Variants in SLC22A16 observed in about 807,000 individuals in gnomAD.
The protein encoded by SLC22A16 is solute carrier family 22 member 16.
Under a neutral mutation model 52.9 loss-of-function variants are expected in SLC22A16, and 53 were observed. The ratio of observed to expected loss-of-function variants is 1.00; its 90% CI spans 0.80 to 1.26. The LOEUF (loss-of-function observed/expected upper bound fraction) is 1.26. Among genes scored for constraint, SLC22A16 ranks in the 50% most tolerant of loss-of-function variants. The pLI is 0.00. For missense variants in SLC22A16, 726 were observed against 704.0 expected (o/e 1.03, Z -0.35); for synonymous variants, 291 against 268.8 (o/e 1.08, Z -0.81).
chr6:110,460,500 C>T (rs1030302282), intron 1 of SLC22A16, among the ~76,000 whole-genome samples: 1 of 151,884 alleles, frequency 6.6e-6, no homozygotes, highest in African/African-American at 2.4e-5. Context: ...TCCCTTCTCA[C>T]CTCACCCCTG....
intron 1 of SLC22A16, among the ~76,000 whole-genome samples, chr6:110,462,396 T>C (rs1259086081): frequency 2.0e-5 from 3 of 152,106 alleles, no homozygotes; most frequent in Non-Finnish European, 4.4e-5. Flanking sequence ...ATTCAAAATA[T>C]GGATTGTAAG....
intron 1 of SLC22A16, among the ~76,000 whole-genome samples, chr6:110,473,754 C>A (rs5029495): frequency 1.3e-5 from 2 of 148,454 alleles, no homozygotes; most frequent in East Asian, 4.1e-4. Flanking sequence ...CTCGAGCTCC[C>A]GACCTCGTGA....
intron 7 of SLC22A16, among the ~76,000 whole-genome samples, chr6:110,426,586 C>A (rs1774264112): frequency 6.6e-6 from 1 of 152,130 alleles, no homozygotes; most frequent in South Asian, 2.1e-4. Context: ...CTCCATCCAT[C>A]GTCCAACCTC....
At chr6:110,445,585 G>A (rs1053714939) in intron 3 of SLC22A16, among the ~76,000 whole-genome samples, 16 of 152,066 alleles carry the variant, frequency 1.1e-4, no homozygotes, top group Admixed American at 1.3e-4. Flanking sequence ...GAACATCAAC[G>A]GAAACAGTCA....
chr6:110,475,997 C>A (rs775941733), intron 1 of SLC22A16: 1 of 456,424 alleles, frequency 2.2e-6, no homozygotes, highest in Non-Finnish European at 4.4e-6. Flanking sequence ...GCGCCAGGTA[C>A]AGTGTACCTG....
At position 110,439,166 on chromosome 6, in the gene SLC22A16, C is replaced by T. The variant is rs78895546; in HGVS notation, c.1184-319G>A. The stretch of plus-strand genomic sequence containing the variant: ...AAAACTTGTTCAAAAATTTCACAGC[C>T]GAGAATTATTGAACAGAAGCACCCA... On this transcript the variant is annotated intron_variant, in intron 4 of 7. Transcript: ENST00000368919. 5.4e-3 allele frequency among the ~76,000 whole-genome samples: 829 copies of T among 152,188 alleles called. 2 individuals are homozygous for T. Among genetic ancestry groups the T allele is most frequent in the Middle Eastern group, 0.02 (6 of 294 alleles).
intron 1 of SLC22A16, among the ~76,000 whole-genome samples, chr6:110,464,833 T>A (rs1776006208): frequency 6.6e-6 from 1 of 151,270 alleles, no homozygotes; most frequent in African/African-American, 2.4e-5. Flanking sequence ...TAAGAACACA[T>A]CAAAAAAGAA....
chr6:110,472,835 G>A (rs1282902411), intron 1 of SLC22A16, among the ~76,000 whole-genome samples: 1 of 152,190 alleles, frequency 6.6e-6, no homozygotes, highest in Non-Finnish European at 1.5e-5. Context: ...CAGAGGCGAG[G>A]AAAAGCAAGG....
chr6:110,451,269 C>T (rs1361288786), intron 2 of SLC22A16, among the ~76,000 whole-genome samples: 1 of 152,124 alleles, frequency 6.6e-6, no homozygotes, highest in African/African-American at 2.4e-5. Context: ...GCTGTGAGGG[C>T]ACTTTTATGC....
At chr6:110,473,300 C>T (rs376895604) in intron 1 of SLC22A16, among the ~76,000 whole-genome samples, 4 of 152,106 alleles carry the variant, frequency 2.6e-5, no homozygotes, top group East Asian at 1.9e-4. Flanking sequence ...ACTTTTAAAC[C>T]GTCTCTCCTC....
chr6:110,448,995 C>A (rs1007335452), intron 2 of SLC22A16, among the ~76,000 whole-genome samples: 4 of 152,158 alleles, frequency 2.6e-5, no homozygotes, highest in African/African-American at 7.2e-5. Context: ...AAGACAAGAA[C>A]CTTCTCTTGA....
chr6:110,427,021 G>A (rs1444256429), intron 7 of SLC22A16, among the ~76,000 whole-genome samples: 1 of 151,866 alleles, frequency 6.6e-6, no homozygotes, highest in African/African-American at 2.4e-5. Context: ...GGAGGCTAAG[G>A]CTGGCGGATC....
chr6:110,453,980 C>T (rs552647184), intron 2 of SLC22A16, among the ~76,000 whole-genome samples: 10 of 152,238 alleles, frequency 6.6e-5, no homozygotes, highest in South Asian at 4.2e-4. Context: ...TCAATTCCTG[C>T]GAGAATTAAT....
chr6:110,449,387 G>T (rs1350164154), intron 2 of SLC22A16, among the ~76,000 whole-genome samples: 1 of 151,916 alleles, frequency 6.6e-6, no homozygotes, highest in Non-Finnish European at 1.5e-5. Flanking sequence ...CTAAGTATGG[G>T]CTATTAACTC....
At chr6:110,438,676 C>T (rs754582097) in intron 5 of SLC22A16, 44 bp downstream of exon 5, 1 of 1,576,920 alleles carries the variant, frequency 6.3e-7, no homozygotes, top group Non-Finnish European at 8.6e-7. Flanking sequence ...TCCCATCAAA[C>T]TGTCACAGTA....
intron 2 of SLC22A16, among the ~76,000 whole-genome samples, 175 bp from the exon 3 acceptor site, chr6:110,447,165 A>G (rs1318361466): frequency 1.3e-5 from 2 of 152,190 alleles, no homozygotes; most frequent in Non-Finnish European, 2.9e-5. Flanking sequence ...TCTTTAAAAG[A>G]CCAGCTGTTC....
At position 110,425,087 on chromosome 6, in the gene SLC22A16, T is replaced by C. The variant is rs774462581; in HGVS notation, c.1522-2A>G. The C allele has an allele frequency of 1.2e-6, 2 of 1,613,562 alleles. No homozygotes were observed. The highest frequency in any genetic ancestry group is 2.2e-5 in the South Asian group (2 of 90,980). On this transcript the variant is annotated splice_acceptor_variant, in intron 7 of 7. Coordinates refer to ENST00000368919, the MANE Select transcript of SLC22A16 (RefSeq NM_033125.4). LOFTEE classifies it high-confidence loss of function. ...GAGGGCCATAGTCCCAACAAACAAC[T>C]AGAAGGAATTAAAAATAATGATAAG...
chr6:110,444,637 C>G (rs552803102), intron 3 of SLC22A16, among the ~76,000 whole-genome samples: 1 of 152,180 alleles, frequency 6.6e-6, no homozygotes, highest in African/African-American at 2.4e-5. Context: ...ACAAAGAGGC[C>G]GGCCTACAAG....
At chr6:110,476,485 G>A (rs1257081108) in intron 1 of SLC22A16, 37 bp downstream of exon 1, 10 of 1,271,094 alleles carry the variant, frequency 7.9e-6, no homozygotes, top group East Asian at 2.9e-5. Context: ...CCTCGGCGCC[G>A]CCTCCCGCGT....
Sources: gnomAD v4.1 joint callset for allele counts (sites outside exome capture counted in the v4.1 genomes callset) on GRCh38, gnomAD v4.1.1 for gene constraint, MANE v1.5 for transcripts, NCBI Gene and HGNC (gene_info 2026-07-23, HGNC 2026-07-21) for gene names.